Variants in KSR2 observed in about 807,000 individuals in gnomAD.
The protein encoded by KSR2 is kinase suppressor of ras 2.
KSR2 carries 25 observed loss-of-function variants against 107.8 expected under a neutral mutation model. The observed-to-expected ratio is 0.23, with a 90% CI of 0.17 to 0.32. The LOEUF (loss-of-function observed/expected upper bound fraction) is 0.32. Ranked by LOEUF, KSR2 falls within the 10% of genes least tolerant of loss-of-function variation. The probability of loss-of-function intolerance (pLI) is 1.00; values close to 1 mark genes in which losing one functional copy is unlikely to be tolerated. For missense variants in KSR2, 887 were observed against 1,268.9 expected (o/e 0.70, Z 4.57); for synonymous variants, 480 against 507.0 (o/e 0.95, Z 0.71).
At chr12:117,927,248 T>C (rs1895548291) in intron 1 of KSR2, among the ~76,000 whole-genome samples, 2 of 151,624 alleles carry the variant, frequency 1.3e-5, no homozygotes, top group South Asian at 2.1e-4. Flanking sequence ...TGGCGGTGCA[T>C]GCCTGTAAAC....
At chr12:117,698,716 C>T (rs998282896) in intron 4 of KSR2, among the ~76,000 whole-genome samples, 1 of 152,176 alleles carries the variant, frequency 6.6e-6, no homozygotes, top group Non-Finnish European at 1.5e-5. Flanking sequence ...AACCCACTTC[C>T]AAACCCTGAA....
chr12:117,625,615 T>C (rs60245509), intron 5 of KSR2, among the ~76,000 whole-genome samples: 2 of 152,240 alleles, frequency 1.3e-5, no homozygotes, highest in South Asian at 2.1e-4. Context: ...CAGTATTTTA[T>C]TGAGGATTTT....
intron 3 of KSR2, among the ~76,000 whole-genome samples, chr12:117,794,848 A>ACCCCT (rs61569314): frequency 0.56 from 84,426 of 151,490 alleles, 24,619 homozygotes; most frequent in East Asian, 0.76. Context: ...CCTCGCTACG[A>ACCCCT]CCCATCACTC....
At chr12:117,671,858 A>G (rs970121928) in intron 4 of KSR2, among the ~76,000 whole-genome samples, 1 of 147,022 alleles carries the variant, frequency 6.8e-6, no homozygotes, top group Non-Finnish European at 1.5e-5. Flanking sequence ...GCCAGAGCAC[A>G]GCCTCCTTGC....
intron 1 of KSR2, among the ~76,000 whole-genome samples, chr12:117,923,491 C>A (rs952519804): frequency 3.3e-5 from 5 of 152,038 alleles, no homozygotes; most frequent in Non-Finnish European, 5.9e-5. Context: ...GTTCAAGACC[C>A]CATCTCCACT....
intron 3 of KSR2, among the ~76,000 whole-genome samples, chr12:117,780,088 G>C (rs975999446): frequency 1.3e-5 from 2 of 152,210 alleles, no homozygotes; most frequent in Middle Eastern, 6.8e-3. Context: ...TTTTTACATG[G>C]ATTACAAGTT....
intron 1 of KSR2, among the ~76,000 whole-genome samples, chr12:117,944,869 AAATAAT>A (rs777522485): frequency 6.6e-6 from 1 of 151,836 alleles, no homozygotes; most frequent in African/African-American, 2.4e-5. Flanking sequence ...AAAAATAAAT[AAATAAT>A]AATAATAATA....
chr12:117,877,805 T>C (rs1231112434), intron 1 of KSR2, among the ~76,000 whole-genome samples: 1 of 152,066 alleles, frequency 6.6e-6, no homozygotes, highest in African/African-American at 2.4e-5. Context: ...TTGTTAAAAA[T>C]ACACATGCCA....
At chr12:117,480,264 A>G (rs1287712472) in intron 16 of KSR2, among the ~76,000 whole-genome samples, 3 of 152,070 alleles carry the variant, frequency 2.0e-5, no homozygotes, top group African/African-American at 7.2e-5. Flanking sequence ...TTCCTGACTC[A>G]TGGGGTCAGC....
intron 4 of KSR2, among the ~76,000 whole-genome samples, chr12:117,742,349 A>G (rs1356445432): frequency 6.6e-6 from 1 of 152,224 alleles, no homozygotes; most frequent in East Asian, 1.9e-4. Flanking sequence ...TTTTATTTTC[A>G]TCAATGTGAA....
chr12:117,950,940 A>G (rs1195474213), intron 1 of KSR2, among the ~76,000 whole-genome samples: 3 of 151,330 alleles, frequency 2.0e-5, no homozygotes, highest in Non-Finnish European at 4.4e-5. Context: ...TTGAGATGGA[A>G]TCTCACTCTG....
chr12:117,796,790 C>T (rs767733621), intron 3 of KSR2, among the ~76,000 whole-genome samples: 2 of 152,172 alleles, frequency 1.3e-5, no homozygotes, highest in African/African-American at 2.4e-5. Context: ...CAATTAACCC[C>T]GTAGATCTCC....
At chr12:117,532,147 T>C (rs749008517) in intron 10 of KSR2, among the ~76,000 whole-genome samples, 6 of 152,252 alleles carry the variant, frequency 3.9e-5, no homozygotes, top group Admixed American at 6.5e-5. Context: ...GTATCAGTTT[T>C]CTTTTTTGTG....
intron 1 of KSR2, among the ~76,000 whole-genome samples, chr12:117,947,255 AAGAAGATAAAC>A (rs1896227795): frequency 1.2e-5 from 1 of 86,080 alleles, no homozygotes; most frequent in Non-Finnish European, 2.5e-5. Context: ...GAAAGAAAGA[AAGAAGATAAAC>A]CACATGACCA....
chr12:117,908,488 C>T (rs773080181), intron 1 of KSR2, among the ~76,000 whole-genome samples: 10 of 152,118 alleles, frequency 6.6e-5, no homozygotes, highest in African/African-American at 9.7e-5. Flanking sequence ...TTCTACTATC[C>T]GGAGAATGTC....
intron 5 of KSR2, among the ~76,000 whole-genome samples, chr12:117,633,744 C>T (rs929953261): frequency 3.9e-5 from 6 of 152,174 alleles, no homozygotes; most frequent in African/African-American, 1.2e-4. Flanking sequence ...TAACTCATCG[C>T]ATCTGCAAAG....
At chr12:117,650,917 A>C (rs374624107) in intron 5 of KSR2, among the ~76,000 whole-genome samples, 1 of 152,322 alleles carries the variant, frequency 6.6e-6, no homozygotes, top group African/African-American at 2.4e-5. Flanking sequence ...TTGTGGAAAA[A>C]CAGACATAAG....
intron 1 of KSR2, among the ~76,000 whole-genome samples, chr12:117,874,226 T>C (rs951546995): frequency 2.0e-5 from 3 of 152,042 alleles, no homozygotes; most frequent in Non-Finnish European, 4.4e-5. Context: ...AAGTGAGTGT[T>C]AGATTTTTTT....
intron 9 of KSR2, among the ~76,000 whole-genome samples, chr12:117,550,752 C>G (rs536464262): frequency 6.6e-6 from 1 of 152,268 alleles, no homozygotes; most frequent in South Asian, 2.1e-4. Context: ...GATGAGGAAA[C>G]CAGCCAACAG....
Sources: allele counts gnomAD v4.1 joint callset (sites outside exome capture counted in the v4.1 genomes callset), GRCh38; gene constraint gnomAD v4.1.1; transcripts MANE v1.5; gene names NCBI Gene and HGNC (gene_info 2026-07-23, HGNC 2026-07-21).